Variants in PCCA observed in about 807,000 individuals in gnomAD.
PCCA encodes propionyl-CoA carboxylase alpha chain, mitochondrial.
PCCA carries 74 observed loss-of-function variants against 101.3 expected under a neutral mutation model. The observed-to-expected ratio is 0.73, with a 90% CI of 0.61 to 0.89. PCCA has a LOEUF of 0.89. PCCA is among the 40% of genes least tolerant of loss of function. PCCA has a pLI of 0.00. For synonymous variants in PCCA, 294 were observed against 313.6 expected (o/e 0.94, Z 0.66); for missense variants, 891 against 907.0 (o/e 0.98, Z 0.23).
At chr13:100,299,075 G>A (rs1252531510) in intron 12 of PCCA, among the ~76,000 whole-genome samples, 1 of 152,126 alleles carries the variant, frequency 6.6e-6, no homozygotes, top group Non-Finnish European at 1.5e-5. Flanking sequence ...TGCAGTACTT[G>A]TCAAAAGGTA....
At chr13:100,326,907 C>CT (rs1262767815) in intron 16 of PCCA, among the ~76,000 whole-genome samples, 2 of 152,024 alleles carry the variant, frequency 1.3e-5, no homozygotes, top group African/African-American at 4.8e-5. Flanking sequence ...TTAGTATTTA[C>CT]TTTTTTGTAG....
Position 100,493,323 on chromosome 13 carries a change from C to T in PCCA, c.1900-22104C>T, listed in dbSNP as rs776127491. 4.6e-5 allele frequency among the ~76,000 whole-genome samples: 7 copies of T among 152,220 alleles called. No homozygotes were observed. The East Asian group carries it at 7.7e-4, about 17-fold the overall frequency. ...CAGGTGGGACTCAGCATTCTCAGACCTTCAAAGGCCTGTTGGGTGGATGTG... is the reference window on the plus strand; with the variant it reads ...CAGGTGGGACTCAGCATTCTCAGACTTTCAAAGGCCTGTTGGGTGGATGTG... On this transcript the variant is annotated intron_variant, in intron 21 of 23. Transcript: ENST00000376285.
chr13:100,154,935 T>A (rs755112383), intron 4 of PCCA, 44 bp from the exon 5 acceptor site: 22 of 1,277,848 alleles, frequency 1.7e-5, no homozygotes, highest in Non-Finnish European at 2.2e-5. Flanking sequence ...ATGGTAATTC[T>A]TTTTGCTGGG....
chr13:100,267,292 C>T lies in PCCA; in HGVS notation c.820-1397C>T, dbSNP rs568967646. On this transcript the variant is annotated intron_variant, in intron 10 of 23. Coordinates refer to ENST00000376285, the MANE Select transcript of PCCA (RefSeq NM_000282.4). ...TTTTTAGATTTACTTCATGCAGCCACCTTTGAGTCTTAGAAAATTCCAGCT... is the reference window on the plus strand; with the variant it reads ...TTTTTAGATTTACTTCATGCAGCCATCTTTGAGTCTTAGAAAATTCCAGCT... Among the ~76,000 whole-genome samples the T allele has an allele frequency of 1.1e-4, 16 of 152,234 alleles. No homozygotes were observed. In the South Asian group the frequency reaches 3.3e-3, roughly 32 times the overall value.
intron 16 of PCCA, among the ~76,000 whole-genome samples, chr13:100,324,150 G>A (rs911973783): frequency 3.3e-5 from 5 of 152,164 alleles, no homozygotes; most frequent in Admixed American, 1.3e-4. Context: ...CTCTTCTTGT[G>A]GAAGCCTGAT....
At chr13:100,245,199 T>G (rs1328635328) in intron 8 of PCCA, among the ~76,000 whole-genome samples, 2 of 152,122 alleles carry the variant, frequency 1.3e-5, no homozygotes, top group Non-Finnish European at 2.9e-5. Context: ...AAATAAAAAA[T>G]GAGTAATGCA....
chr13:100,188,305 A>AAAACAAAACAAAACG (rs1365083323), intron 6 of PCCA, among the ~76,000 whole-genome samples: 5 of 146,414 alleles, frequency 3.4e-5, no homozygotes, highest in African/African-American at 1.3e-4. Context: ...AAAACAAAAC[A>AAAACAAAACAAAACG]AAACAAAACA....
At chr13:100,224,419 G>T (rs1247690329) in intron 7 of PCCA, among the ~76,000 whole-genome samples, 1 of 152,226 alleles carries the variant, frequency 6.6e-6, no homozygotes, top group Non-Finnish European at 1.5e-5. Context: ...CCTGGTTCCC[G>T]CTGGCGCCTC....
intron 9 of PCCA, 142 bp from the exon 10 acceptor site, chr13:100,262,587 C>T: frequency 1.6e-6 from 1 of 634,136 alleles, no homozygotes; most frequent in South Asian, 2.0e-5. Context: ...CAGAATAAGC[C>T]AAAATAAATA....
At chr13:100,369,908 G>A (rs1016359618) in intron 19 of PCCA, among the ~76,000 whole-genome samples, 2 of 151,648 alleles carry the variant, frequency 1.3e-5, no homozygotes, top group African/African-American at 2.4e-5. Context: ...TTTTTCTGGG[G>A]GAAGATTAAC....
intron 6 of PCCA, among the ~76,000 whole-genome samples, chr13:100,167,663 C>T (rs1283986958): frequency 6.6e-6 from 1 of 152,150 alleles, no homozygotes; most frequent in Non-Finnish European, 1.5e-5. Flanking sequence ...TTTTAGATCT[C>T]TGATCAATTT....
chr13:100,301,966 G>A (rs1566897716), intron 13 of PCCA, among the ~76,000 whole-genome samples: 1 of 151,844 alleles, frequency 6.6e-6, no homozygotes, highest in Non-Finnish European at 1.5e-5. Flanking sequence ...ATTTCCATGG[G>A]TTTTTTAAAA....
intron 20 of PCCA, among the ~76,000 whole-genome samples, 173 bp downstream of exon 20, chr13:100,425,904 C>T (rs924671098): frequency 6.6e-6 from 1 of 152,084 alleles, no homozygotes; most frequent in Non-Finnish European, 1.5e-5. Flanking sequence ...TAAGTTTTAA[C>T]CTGAGCATTT....
chr13:100,335,985 G>T (rs750807949), intron 17 of PCCA, among the ~76,000 whole-genome samples: 1 of 152,100 alleles, frequency 6.6e-6, no homozygotes, highest in African/African-American at 2.4e-5. Flanking sequence ...CACTGTGGCC[G>T]GGCACGGTGG....
intron 4 of PCCA, among the ~76,000 whole-genome samples, chr13:100,125,855 A>T (rs1274767657): frequency 6.6e-6 from 1 of 152,116 alleles, no homozygotes; most frequent in African/African-American, 2.4e-5. Context: ...CCTGGTAGGT[A>T]TTTGTTCACA....
At chr13:100,143,272 G>A (rs920990313) in intron 4 of PCCA, among the ~76,000 whole-genome samples, 1 of 152,120 alleles carries the variant, frequency 6.6e-6, no homozygotes, top group Non-Finnish European at 1.5e-5. Context: ...GCTCATGCCT[G>A]TAATCCCAGC....
chr13:100,156,417 A>T (rs554559603), intron 5 of PCCA, among the ~76,000 whole-genome samples: 1 of 152,292 alleles, frequency 6.6e-6, no homozygotes, highest in East Asian at 1.9e-4. Flanking sequence ...CTGGATTATG[A>T]TACTGGTTCC....
chr13:100,182,039 T>A (rs1367251061), intron 6 of PCCA, among the ~76,000 whole-genome samples: 1 of 151,562 alleles, frequency 6.6e-6, no homozygotes, highest in Admixed American at 6.6e-5. Context: ...TAACTGCCCC[T>A]TGTATTAGAT....
chr13:100,216,328 T>G (rs2059512581), intron 7 of PCCA, among the ~76,000 whole-genome samples: 1 of 152,200 alleles, frequency 6.6e-6, no homozygotes, highest in Non-Finnish European at 1.5e-5. Flanking sequence ...AAGCATGTGA[T>G]TGGAATCATC....
Sources: allele counts gnomAD v4.1 joint callset (sites outside exome capture counted in the v4.1 genomes callset), GRCh38; gene constraint gnomAD v4.1.1; transcripts MANE v1.5; gene names NCBI Gene and HGNC (gene_info 2026-07-23, HGNC 2026-07-21).